CEP128: variants seen among roughly 807,000 people sequenced by gnomAD.
The protein encoded by CEP128 is centrosomal protein 128.
CEP128 carries 132 observed loss-of-function variants against 156.7 expected under a neutral mutation model. That is an observed-to-expected ratio of 0.84 (90% confidence interval 0.73 to 0.97). The LOEUF is 0.97. Among genes scored for constraint, CEP128 ranks in the 50% least tolerant of loss-of-function variants. The pLI is 0.00. For synonymous variants in CEP128, 469 were observed against 448.9 expected, an observed-to-expected ratio of 1.04 and a Z score of -0.57; for missense variants, 1,252 against 1,281.9, an observed-to-expected ratio of 0.98 and a Z score of 0.36.
intron 19 of CEP128, among the ~76,000 whole-genome samples, chr14:80,717,811 T>C (rs1159677213): frequency 6.6e-6 from 1 of 152,114 alleles, no homozygotes; most frequent in Non-Finnish European, 1.5e-5. Context: ...AATCCTATTT[T>C]TCTTTTTTTT....
intron 19 of CEP128, among the ~76,000 whole-genome samples, chr14:80,678,047 AAAATATATATATATATGT>A (rs1566850962): frequency 5.8e-5 from 4 of 68,464 alleles, no homozygotes; most frequent in Admixed American, 1.4e-4. Flanking sequence ...CTATAAAAAA[AAAATATATATATATATGT>A]ATATATATAT....
intron 19 of CEP128, among the ~76,000 whole-genome samples, chr14:80,628,660 T>C (rs75543686): frequency 0.055 from 8,425 of 152,212 alleles, 289 homozygotes; most frequent in South Asian, 0.085. Context: ...TTTGGACAAA[T>C]GACTGAAACC....
intron 23 of CEP128, among the ~76,000 whole-genome samples, chr14:80,523,595 C>T (rs1888846864): frequency 6.6e-6 from 1 of 152,132 alleles, no homozygotes; most frequent in African/African-American, 2.4e-5. Flanking sequence ...ACAACAAAAA[C>T]ATGAACATCC....
intron 23 of CEP128, among the ~76,000 whole-genome samples, chr14:80,520,066 T>C (rs1450707569): frequency 1.3e-5 from 2 of 152,186 alleles, no homozygotes; most frequent in Non-Finnish European, 2.9e-5. Flanking sequence ...CCAGTACTTC[T>C]AACTATGCAA....
intron 8 of CEP128, among the ~76,000 whole-genome samples, chr14:80,888,192 C>T (rs938106296): frequency 7.2e-5 from 11 of 152,130 alleles, no homozygotes; most frequent in Non-Finnish European, 1.5e-4. Flanking sequence ...TCGAATTCTA[C>T]CAGAGGTACA....
chr14:80,518,904 A>G (rs150212078), intron 23 of CEP128, among the ~76,000 whole-genome samples: 2 of 152,336 alleles, frequency 1.3e-5, no homozygotes, highest in African/African-American at 4.8e-5. Flanking sequence ...TGAACAATCA[A>G]CATAACAGAG....
intron 8 of CEP128, among the ~76,000 whole-genome samples, chr14:80,863,299 G>C (rs1262536142): frequency 6.6e-6 from 1 of 152,166 alleles, no homozygotes; most frequent in East Asian, 1.9e-4. Flanking sequence ...CCATGAGCAT[G>C]ACCTGCCTAT....
chr14:80,955,698 G>C, intron 2 of CEP128: 1 of 1,614,108 alleles, frequency 6.2e-7, no homozygotes, highest in African/African-American at 1.3e-5. Context: ...CGGCGGACTT[G>C]CTGCAGCTGG....
chr14:80,830,211 A>C, intron 13 of CEP128: 1 of 648,108 alleles, frequency 1.5e-6, no homozygotes, highest in Non-Finnish European at 2.8e-6. Flanking sequence ...CTTTGTAAAG[A>C]GTATGTCAAT....
At chr14:80,928,639 T>C (rs1885278704) in intron 2 of CEP128, among the ~76,000 whole-genome samples, 2 of 151,902 alleles carry the variant, frequency 1.3e-5, no homozygotes, top group Admixed American at 1.3e-4. Context: ...CTCCAAGAAA[T>C]ATGGAATTAT....
chr14:80,551,809 A>G (rs986661868), intron 21 of CEP128, among the ~76,000 whole-genome samples: 1 of 152,178 alleles, frequency 6.6e-6, no homozygotes, highest in Non-Finnish European at 1.5e-5. Flanking sequence ...AGAACACTTC[A>G]ACCCCAGTAT....
downstream of CEP128, among the ~76,000 whole-genome samples, chr14:80,485,621 G>A (rs541706768): frequency 5.9e-5 from 9 of 152,226 alleles, no homozygotes; most frequent in Admixed American, 3.9e-4. Flanking sequence ...AAATCACAAG[G>A]TTAAGACTGG....
chr14:80,624,920 G>A (rs573626218), intron 19 of CEP128, among the ~76,000 whole-genome samples: 1 of 152,222 alleles, frequency 6.6e-6, no homozygotes, highest in South Asian at 2.1e-4. Context: ...TTTTCAGTTT[G>A]ATATAGTCCG....
At chr14:80,813,340 GTTTTACA>G (rs1421920331) in intron 13 of CEP128, among the ~76,000 whole-genome samples, 2 of 152,076 alleles carry the variant, frequency 1.3e-5, no homozygotes, top group African/African-American at 2.4e-5. Context: ...GGTTTTTACA[GTTTTACA>G]TTTTACATTT....
Position 80,656,307 on chromosome 14 carries a change from A to T in CEP128, c.2807-75884T>A, listed in dbSNP as rs1396357869. 1.5e-4 allele frequency among the ~76,000 whole-genome samples: 2 copies of T among 13,130 alleles called. 1 individual carries two copies. Among genetic ancestry groups the T allele is most frequent in the African/African-American group, 6.5e-4 (2 of 3,098 alleles). 8.6% of individuals were successfully genotyped at this position (13,130 alleles called of 152,430 possible). A position where few individuals can be genotyped will look rare whatever the true frequency, so the allele number is the denominator to read the frequency against. Reference sequence around the variant, plus strand: ...TATATATATTTATATATATATATATATATATATATATATATATATATATAT... The same window carrying T: ...TATATATATTTATATATATATATATTTATATATATATATATATATATATAT... On this transcript the variant is annotated intron_variant, in intron 19 of 24. Transcript: ENST00000555265.
chr14:80,907,317 C>G (rs137908388), intron 4 of CEP128, among the ~76,000 whole-genome samples: 37 of 152,114 alleles, frequency 2.4e-4, no homozygotes, highest in African/African-American at 7.5e-4. Flanking sequence ...TCCTCCTTAC[C>G]TAAACTGGGA....
intron 13 of CEP128, among the ~76,000 whole-genome samples, chr14:80,812,007 AG>A (rs1884584194): frequency 6.6e-6 from 1 of 152,186 alleles, no homozygotes; most frequent in African/African-American, 2.4e-5. Flanking sequence ...GGATTTACAT[AG>A]TACCCAATAT....
At chr14:80,937,325 A>G (rs1277841283) in intron 2 of CEP128, among the ~76,000 whole-genome samples, 1 of 152,202 alleles carries the variant, frequency 6.6e-6, no homozygotes, top group East Asian at 1.9e-4. Flanking sequence ...TGTCTCAATC[A>G]ATCTGTAATA....
chr14:80,929,915 C>T (rs1318579613), intron 2 of CEP128, among the ~76,000 whole-genome samples: 2 of 152,142 alleles, frequency 1.3e-5, no homozygotes, highest in South Asian at 2.1e-4. Context: ...TGTTAGGAAC[C>T]GGGATGCAGA....
Sources: gnomAD v4.1 joint callset for allele counts (sites outside exome capture counted in the v4.1 genomes callset) on GRCh38, gnomAD v4.1.1 for gene constraint, MANE v1.5 for transcripts, NCBI Gene and HGNC (gene_info 2026-07-23, HGNC 2026-07-21) for gene names.